The following NXF1 variants were observed in gnomAD, a reference collection of about 807,000 sequenced individuals.
NXF1 encodes mRNA export factor TAP.
NXF1 carries 43 observed loss-of-function variants against 92.4 expected under a neutral mutation model. The observed-to-expected ratio is 0.47, with a 90% CI of 0.36 to 0.60. NXF1 has a LOEUF of 0.60. NXF1 is among the 20% of genes least tolerant of loss of function. The pLI, the probability that NXF1 is intolerant of heterozygous loss-of-function variation, is 0.00. For missense variants in NXF1, 576 were observed against 793.0 expected (o/e 0.73, Z 3.29); for synonymous variants, 288 against 292.2 (o/e 0.99, Z 0.15).
intron 10 of NXF1, 53 bp from the exon 11 acceptor site, chr11:62,798,628 G>A: frequency 1.2e-6 from 2 of 1,609,710 alleles, no homozygotes; most frequent in South Asian, 1.1e-5. Flanking sequence ...CGTGCCTCCT[G>A]GGCTGCTCTA....
At chr11:62,801,902 C>T in intron 5 of NXF1, 40 bp downstream of exon 5, 1 of 1,607,246 alleles carries the variant, frequency 6.2e-7, no homozygotes, top group Non-Finnish European at 8.5e-7. Flanking sequence ...CTCTGAGCAC[C>T]AACCTCCACC....
chr11:62,792,777 A>T, intron 19 of NXF1, 76 bp from the exon 20 acceptor site: 1 of 1,431,314 alleles, frequency 7.0e-7, no homozygotes, highest in Non-Finnish European at 9.8e-7. Flanking sequence ...CCATAAAAGC[A>T]CCCAAGTTTG....
chr11:62,800,196 T>C (rs2084463282), intron 10 of NXF1, 181 bp downstream of exon 10: 3 of 1,420,048 alleles, frequency 2.1e-6, no homozygotes, highest in Non-Finnish European at 2.8e-6. Flanking sequence ...AGAGAGAACA[T>C]CTCAGGACAA....
At chr11:62,805,288 G>A (rs753424421) in intron 1 of NXF1, 41 bp downstream of exon 1, 7 of 1,578,262 alleles carry the variant, frequency 4.4e-6, no homozygotes, top group Non-Finnish European at 2.6e-6. Flanking sequence ...GCCCACCCGC[G>A]CCCCAGATAG....
chr11:62,799,145 G>A (rs1447653665), intron 10 of NXF1: 6 of 983,262 alleles, frequency 6.1e-6, no homozygotes, highest in Non-Finnish European at 7.2e-6. Flanking sequence ...GGAGGTATAG[G>A]AGACAGACAG....
intron 19 of NXF1, among the ~76,000 whole-genome samples, chr11:62,793,819 T>TAAAAAAAAAAA (rs56389050): frequency 1.2e-5 from 1 of 86,508 alleles, no homozygotes; most frequent in Non-Finnish European, 2.2e-5. Context: ...CCGTCTCTAC[T>TAAAAAAAAAAA]AAAAAAAAAA....
At chr11:62,804,844 C>G (rs1416481007) in intron 1 of NXF1, among the ~76,000 whole-genome samples, 1 of 152,120 alleles carries the variant, frequency 6.6e-6, no homozygotes. Context: ...CAACCTCCAC[C>G]ACGCACTCCT....
rs779014618 is a variant in NXF1, at chr11:62,800,394, G to A, written c.999C>T (p.Asp333=). 6.2e-7 allele frequency: 1 copy of A among 1,614,040 alleles called. No individual in the cohort carries two copies. The highest frequency in any genetic ancestry group is 1.1e-5 in the South Asian group (1 of 91,084). ...DGNSLCDTFR[D]QSTYISAIRE... ...CAACTGACCTGATGTAGGTGGACTG[G>A]TCTCGGAAGGTGTCACACAGGGAGT... Residue 333 remains aspartate (D), a synonymous_variant, in exon 10 of 21, where the codon GAC becomes GAT. Transcript: ENST00000294172.
chr11:62,792,810 T>A, intron 19 of NXF1, 109 bp from the exon 20 acceptor site: 1 of 879,976 alleles, frequency 1.1e-6, no homozygotes, highest in South Asian at 1.5e-5. Flanking sequence ...TACATTCTTA[T>A]ACATCCTTGC....
chr11:62,799,754 T>C (rs954989684), intron 10 of NXF1: 35 of 985,978 alleles, frequency 3.5e-5, no homozygotes, highest in Non-Finnish European at 4.2e-5. Flanking sequence ...TCTGGTCACA[T>C]CTTGGGGAAC....
chr11:62,794,813 A>G, intron 18 of NXF1, 122 bp downstream of exon 18: 1 of 885,350 alleles, frequency 1.1e-6, no homozygotes, highest in Non-Finnish European at 1.8e-6. Context: ...CTACTATGTG[A>G]GCTTTCTCTG....
intron 10 of NXF1, chr11:62,799,247 T>C (rs1449741134): frequency 1.0e-5 from 10 of 985,482 alleles, no homozygotes; most frequent in African/African-American, 1.7e-5. Context: ...AAAGACACCC[T>C]GACACAGCCC....
chr11:62,793,385 G>A (rs1285463794), intron 19 of NXF1, among the ~76,000 whole-genome samples: 1 of 152,118 alleles, frequency 6.6e-6, no homozygotes, highest in Non-Finnish European at 1.5e-5. Flanking sequence ...CCAACTATTA[G>A]GTTTTTTTAA....
At chr11:62,798,775 G>C in intron 10 of NXF1, 200 bp from the exon 11 acceptor site, 1 of 1,390,104 alleles carries the variant, frequency 7.2e-7, no homozygotes, top group Non-Finnish European at 9.3e-7. Flanking sequence ...CTGCCTTGAA[G>C]GCTGTCTCTT....
intron 11 of NXF1, among the ~76,000 whole-genome samples, 190 bp downstream of exon 11, chr11:62,798,349 G>A (rs554318338): frequency 1.3e-5 from 2 of 151,652 alleles, no homozygotes; most frequent in Admixed American, 1.3e-4. Flanking sequence ...CAGGAGAATC[G>A]CTTGAACCTG....
intron 3 of NXF1, 66 bp downstream of exon 3, chr11:62,803,353 A>T: frequency 7.7e-7 from 1 of 1,291,966 alleles, no homozygotes; most frequent in Non-Finnish European, 1.1e-6. Flanking sequence ...GAATAAAATT[A>T]AACATCTCCA....
chr11:62,803,949 G>A lies in NXF1; in HGVS notation c.58C>T (p.Gln20Ter). 6.2e-7 allele frequency: 1 copy of A among 1,613,908 alleles called. No homozygotes were observed. Among genetic ancestry groups the A allele is most frequent in the Non-Finnish European group, 8.5e-7 (1 of 1,179,974 alleles). ...GGACCCCGGCCTTTCTTCTTTCTTT[G>A]AGGGAAATTAACGCGTTCATCATCG... ...EHDDERVNFPQRKKKGRGPFR... is the reference protein window; with the variant it reads ...EHDDERVNFP The change falls in exon 2 of 21, where the codon CAA becomes TAA. Residue 20 changes from glutamine (Q) to a stop codon, truncating the protein, a stop_gained. Transcript: ENST00000294172. LOFTEE classifies it high-confidence loss of function.
intron 13 of NXF1, 91 bp downstream of exon 13, chr11:62,797,092 A>T: frequency 8.2e-7 from 1 of 1,214,598 alleles, no homozygotes. Flanking sequence ...AACAAAACAA[A>T]AAACAAAACA....
In NXF1 at chr11:62,801,208, G is replaced by C. The variant is rs776278080; in HGVS notation, c.799-7C>G. The C allele has an allele frequency of 6.2e-7, 1 of 1,613,404 alleles. No individual in the cohort carries two copies. Among genetic ancestry groups the C allele is most frequent in the African/African-American group, 1.3e-5 (1 of 74,902 alleles). On this transcript the variant is annotated splice_region_variant and splice_polypyrimidine_tract_variant and intron_variant, in intron 8 of 20. Transcript: ENST00000294172. ...TCAAGTTCAAGGACAATAGCTGTGA[G>C]GAGAGAAGAGTTTAGAGGAGGCACC...
Sources: allele counts gnomAD v4.1 joint callset (sites outside exome capture counted in the v4.1 genomes callset), GRCh38; gene constraint gnomAD v4.1.1; transcripts MANE v1.5; gene names NCBI Gene and HGNC (gene_info 2026-07-23, HGNC 2026-07-21).